Variants in GIGYF2 observed in about 807,000 individuals in gnomAD.
The protein encoded by GIGYF2 is GRB10 interacting GYF protein 2.
A neutral mutation model predicts 208.1 loss-of-function variants in GIGYF2; 25 were observed. The observed-to-expected ratio is 0.12, with a 90% confidence interval of 0.09 to 0.17. The LOEUF (loss-of-function observed/expected upper bound fraction) is 0.17. Among genes scored for constraint, GIGYF2 ranks in the 10% least tolerant of loss-of-function variants. GIGYF2 has a pLI of 1.00. For synonymous variants in GIGYF2, 534 were observed against 543.8 expected (o/e 0.98, Z 0.25); for missense variants, 1,302 against 1,579.4 (o/e 0.82, Z 2.98).
chr2:232,829,405 G>A (rs1008297095), intron 21 of GIGYF2, among the ~76,000 whole-genome samples: 2 of 152,104 alleles, frequency 1.3e-5, no homozygotes, highest in African/African-American at 2.4e-5. Context: ...TAAAAAAATT[G>A]TATAAGGAAC....
In GIGYF2 at chr2:232,819,842, C is replaced by A; in HGVS notation, c.2386C>A (p.Arg796Ser). The A allele has an allele frequency of 1.5e-6, 2 of 1,372,212 alleles. No homozygotes were observed. The highest frequency in any genetic ancestry group is 1.9e-6 in the Non-Finnish European group (2 of 1,030,352). The allele number at this position is 1,372,212 out of a possible 1,614,324, so 85.0% of individuals were successfully genotyped here. A position where few individuals can be genotyped will look rare whatever the true frequency, so the allele number is the denominator to read the frequency against. Residue 796 changes from arginine to serine, a missense_variant, in exon 21 of 29, where the codon CGC (arginine) becomes AGC (serine). This residue lies in a region of GIGYF2 where 701 missense variants were observed against 793.0 expected (regional missense o/e 0.88). Transcript: ENST00000373563. Reference sequence around the variant, plus strand: ...TTTTCCTTAGGAAGAGGCTCTGCGTCGCCAGCGGGAGCAAGAAATTGCATT... The same window carrying A: ...TTTTCCTTAGGAAGAGGCTCTGCGTAGCCAGCGGGAGCAAGAAATTGCATT... Reference protein sequence around the residue: ...ARRKQEEALRRQREQEIALRR... With the variant: ...ARRKQEEALRSQREQEIALRR...
chr2:232,778,955 T>C (rs1699620581), intron 8 of GIGYF2, among the ~76,000 whole-genome samples: 1 of 152,160 alleles, frequency 6.6e-6, no homozygotes, highest in South Asian at 2.1e-4. Flanking sequence ...ACAAAGGAAT[T>C]TTTTGAGATA....
At chr2:232,814,296 C>T (rs1056766620) in intron 18 of GIGYF2, among the ~76,000 whole-genome samples, 4 of 151,828 alleles carry the variant, frequency 2.6e-5, no homozygotes, top group Non-Finnish European at 5.9e-5. Context: ...GGTGTGGTGG[C>T]TCACGCCTGT....
At chr2:232,836,288 A>T (rs376421862) in intron 22 of GIGYF2, among the ~76,000 whole-genome samples, 1,007 of 5,602 alleles carry the variant, frequency 0.18, 91 homozygotes, top group East Asian at 0.5. Flanking sequence ...ATATATATAT[A>T]TATATATATA....
At chr2:232,817,480 T>C (rs1294411738) in intron 20 of GIGYF2, among the ~76,000 whole-genome samples, 2 of 152,218 alleles carry the variant, frequency 1.3e-5, no homozygotes, top group East Asian at 3.8e-4. Context: ...CTCACAAACA[T>C]GTCTGTAGAA....
chr2:232,840,069 A>G (rs999121190), intron 23 of GIGYF2, 98 bp downstream of exon 23: 2 of 1,270,864 alleles, frequency 1.6e-6, no homozygotes, highest in South Asian at 2.5e-5. Flanking sequence ...TACTGTCAGA[A>G]TTGTTGTGTG....
At chr2:232,847,280 A>G in intron 26 of GIGYF2, 68 bp from the exon 27 acceptor site, 2 of 1,536,590 alleles carry the variant, frequency 1.3e-6, no homozygotes, top group Non-Finnish European at 1.8e-6. Flanking sequence ...AAAAATGGAA[A>G]CTGATTTTTG....
chr2:232,767,829 T>C (rs1196726010), intron 8 of GIGYF2: 2 of 265,840 alleles, frequency 7.5e-6, no homozygotes, highest in East Asian at 2.1e-4. Context: ...AATTTGCAGA[T>C]GAAAATGAGA....
intron 6 of GIGYF2, among the ~76,000 whole-genome samples, chr2:232,758,772 C>G (rs1698637699): frequency 1.3e-5 from 2 of 152,280 alleles, no homozygotes; most frequent in South Asian, 4.1e-4. Flanking sequence ...CAAGGTGATA[C>G]AAGTGTAAGG....
intron 22 of GIGYF2, among the ~76,000 whole-genome samples, chr2:232,837,808 G>C (rs886389000): frequency 6.6e-6 from 1 of 152,122 alleles, no homozygotes; most frequent in Non-Finnish European, 1.5e-5. Flanking sequence ...GTTTTGCCAG[G>C]GAGCAGGTCC....
At chr2:232,724,094 G>C (rs556487219) in intron 2 of GIGYF2, among the ~76,000 whole-genome samples, 1 of 151,696 alleles carries the variant, frequency 6.6e-6, no homozygotes, top group Non-Finnish European at 1.5e-5. Flanking sequence ...AGGCTGGAGT[G>C]CAGTGGTGTG....
At chr2:232,774,662 A>G (rs993272462) in intron 8 of GIGYF2, among the ~76,000 whole-genome samples, 1 of 152,198 alleles carries the variant, frequency 6.6e-6, no homozygotes, top group African/African-American at 2.4e-5. Flanking sequence ...GTCATTCTCC[A>G]CTGTTGTTGC....
At chr2:232,799,237 A>G (rs1700316655) in intron 14 of GIGYF2, among the ~76,000 whole-genome samples, 1 of 151,966 alleles carries the variant, frequency 6.6e-6, no homozygotes, top group Non-Finnish European at 1.5e-5. Flanking sequence ...TTCATGTTAT[A>G]GTTATTGTGA....
chr2:232,760,291 C>T, intron 6 of GIGYF2, 189 bp from the exon 7 acceptor site: 2 of 576,962 alleles, frequency 3.5e-6, no homozygotes, highest in Non-Finnish European at 3.1e-6. Context: ...TTCTTTCAGC[C>T]TCTTGTGGTC....
At chr2:232,855,970 A>C (rs1690550967) in intron 28 of GIGYF2, among the ~76,000 whole-genome samples, 1 of 151,502 alleles carries the variant, frequency 6.6e-6, no homozygotes. Context: ...TCGCTCTGTC[A>C]CCCAGGCTGG....
At chr2:232,713,242 A>T (rs1477704355) in intron 2 of GIGYF2, among the ~76,000 whole-genome samples, 1 of 151,822 alleles carries the variant, frequency 6.6e-6, no homozygotes, top group Non-Finnish European at 1.5e-5. Flanking sequence ...TGTGCAACTG[A>T]TTTTTTGTAT....
At chr2:232,744,081 A>G (rs568760801) in intron 3 of GIGYF2, among the ~76,000 whole-genome samples, 19 of 152,230 alleles carry the variant, frequency 1.2e-4, no homozygotes, top group African/African-American at 4.3e-4. Context: ...CCTGGTCTCA[A>G]GTGATCCACC....
At chr2:232,816,050 T>C in intron 19 of GIGYF2, 1 of 365,780 alleles carries the variant, frequency 2.7e-6, no homozygotes, top group Non-Finnish European at 5.2e-6. Flanking sequence ...TGAGAAAATA[T>C]CCACTACATT....
chr2:232,835,508 A>T (rs1357487054), intron 22 of GIGYF2, among the ~76,000 whole-genome samples: 1 of 152,106 alleles, frequency 6.6e-6, no homozygotes, highest in African/African-American at 2.4e-5. Flanking sequence ...TGTATGGGTT[A>T]TACTTTCCTG....
Sources: gnomAD v4.1 joint callset for allele counts (sites outside exome capture counted in the v4.1 genomes callset) on GRCh38, gnomAD v4.1.1 for gene constraint, gnomAD v4.1.1 regional missense constraint, MANE v1.5 for transcripts, NCBI Gene and HGNC (gene_info 2026-07-23, HGNC 2026-07-21) for gene names.